PPFIA3: variants seen among roughly 807,000 people sequenced by gnomAD.
PPFIA3 encodes the protein liprin-alpha-3.
A neutral mutation model predicts 145.8 loss-of-function variants in PPFIA3; 26 were observed. The ratio of observed to expected loss-of-function variants is 0.18; its 90% CI spans 0.13 to 0.25. The LOEUF (loss-of-function observed/expected upper bound fraction) is 0.25. Among genes scored for constraint, PPFIA3 ranks in the 10% least tolerant of loss-of-function variants. The probability of loss-of-function intolerance (pLI) is 1.00; values close to 1 mark genes in which losing one functional copy is unlikely to be tolerated. For missense variants in PPFIA3, 1,008 were observed against 1,587.8 expected, an observed-to-expected ratio of 0.63 and a Z score of 6.21; for synonymous variants, 645 against 661.4, an observed-to-expected ratio of 0.98 and a Z score of 0.38.
intron 13 of PPFIA3, 126 bp downstream of exon 13, chr19:49,135,041 TTG>T: frequency 9.6e-5 from 72 of 746,256 alleles, no homozygotes; most frequent in Middle Eastern, 3.9e-4. Flanking sequence ...TGTTTTTTGT[TTG>T]TTTGTTTGTT....
intron 23 of PPFIA3, 92 bp from the exon 24 acceptor site, chr19:49,147,991 C>A: frequency 7.3e-7 from 1 of 1,365,006 alleles, no homozygotes; most frequent in Non-Finnish European, 1.0e-6. Context: ...TGGGAAAAAA[C>A]CTTGGATTGG....
chr19:49,132,180 G>C (rs1286429093), intron 7 of PPFIA3, among the ~76,000 whole-genome samples: 2 of 151,622 alleles, frequency 1.3e-5, no homozygotes, highest in Non-Finnish European at 2.9e-5. Context: ...CTGAGGTCAG[G>C]AGTTCAAGAC....
Position 49,133,162 on chromosome 19 carries a change from G to T in PPFIA3, c.1026+15G>T. 6.3e-7 allele frequency: 1 copy of T among 1,588,242 alleles called. No individual in the cohort carries two copies. The highest frequency in any genetic ancestry group is 8.6e-7 in the Non-Finnish European group (1 of 1,166,032). ...TGTATCGGCAGGTGGGGGCGCGGCC[G>T]GGAGGGGCGATGGGGGCGGTGCCGG... On this transcript the variant is annotated intron_variant, in intron 8 of 29. Transcript: ENST00000334186. The surrounding 1 kb of genome is among the most constrained non-coding windows in gnomAD (Gnocchi z 7.2).
rs778195144 is a variant in PPFIA3 at position 49,134,097 on chromosome 19, C to A, written c.1309C>A (p.Leu437Met). 6.2e-7 allele frequency: 1 copy of A among 1,613,988 alleles called. No individual in the cohort carries two copies. The highest frequency in any genetic ancestry group is 8.5e-7 in the Non-Finnish European group (1 of 1,179,936). The change falls in exon 11 of 30, where the codon CTG (leucine) becomes ATG (methionine). Residue 437 changes from leucine (L) to methionine (M), a missense_variant. Transcript: ENST00000334186. ...GCGGCTGTCCGAGACGGTGGACAAG[C>A]TGCTGAGCGAGTCCAACGAGCGCTT... ...NKRLSETVDK[L>M]LSESNERLQL...
chr19:49,131,678 C>T (rs924222990), intron 7 of PPFIA3, among the ~76,000 whole-genome samples: 5 of 151,274 alleles, frequency 3.3e-5, no homozygotes, highest in South Asian at 2.1e-4. Flanking sequence ...AAAAATTAGC[C>T]GGGCGTGGTG....
rs2041028398 is a variant in PPFIA3, at chr19:49,128,297, A to G, written c.241-70A>G. The G allele has an allele frequency of 6.4e-7, 1 of 1,552,600 alleles. No homozygotes were observed. Among genetic ancestry groups the G allele is most frequent in the Non-Finnish European group, 8.9e-7 (1 of 1,125,118 alleles). ...GGGAGGGCGGGACCTTCAAACTTCC[A>G]GTCCCAGTGAATGAAGGAGACAGGG... On this transcript the variant is annotated intron_variant, in intron 2 of 29. Transcript: ENST00000334186. This position sits in a 1 kb window ranked among gnomAD's most constrained non-coding sequence, Gnocchi z 4.1.
At position 49,138,219 on chromosome 19, in the gene PPFIA3, A is replaced by G; in HGVS notation, c.1868A>G (p.Glu623Gly). 2 of 1,596,956 alleles carry G rather than the reference A, an allele frequency of 1.3e-6. No homozygotes were observed. Among genetic ancestry groups the G allele is most frequent in the Non-Finnish European group, 1.7e-6 (2 of 1,167,242 alleles). The change falls in exon 16 of 30, where the codon GAG becomes GGG. Residue 623 changes from glutamate (E) to glycine (G), a missense_variant. This residue lies in a region of PPFIA3 where 202 missense variants were observed against 241.8 expected (regional missense o/e 0.84). Transcript: ENST00000334186. ...TCCCTCCTCAGGCTGATCCAAGAGGAGAAGGAGACAACAGAACAGAGGGCA... is the reference window on the plus strand; with the variant it reads ...TCCCTCCTCAGGCTGATCCAAGAGGGGAAGGAGACAACAGAACAGAGGGCA... ...INKEIKLIQE[E>G]KETTEQRAEE...
chr19:49,132,948 C>T (rs544292405), intron 7 of PPFIA3, 53 bp from the exon 8 acceptor site: 3 of 1,575,546 alleles, frequency 1.9e-6, no homozygotes, highest in African/African-American at 2.7e-5. Context: ...GGGGGTTCCC[C>T]GTCCTCTCCC....
chr19:49,133,472 C>G lies in PPFIA3; in HGVS notation c.1161+101C>G, dbSNP rs988518545. 1.1e-4 allele frequency: 138 copies of G among 1,228,012 alleles called. No individual in the cohort carries two copies. The highest frequency in any genetic ancestry group is 1.3e-4 in the Non-Finnish European group (124 of 934,218). 76.1% of individuals were successfully genotyped at this position (1,228,012 alleles called of 1,614,324 possible). A position where few individuals can be genotyped will look rare whatever the true frequency, so the allele number is the denominator to read the frequency against. Reference sequence around the variant, plus strand: ...AGGGGTAGGAGCGAGGTCAGAACCCCGGATTTGGGGGAAAGGGTGGGGCCT... The same window carrying G: ...AGGGGTAGGAGCGAGGTCAGAACCCGGGATTTGGGGGAAAGGGTGGGGCCT... On this transcript the variant is annotated intron_variant, in intron 9 of 29. Coordinates refer to ENST00000334186, the MANE Select transcript of PPFIA3 (RefSeq NM_003660.4). This position sits in a 1 kb window ranked among gnomAD's most constrained non-coding sequence, Gnocchi z 7.2.
chr19:49,129,146 G>A, intron 4 of PPFIA3, 134 bp downstream of exon 4: 1 of 1,086,616 alleles, frequency 9.2e-7, no homozygotes, highest in Non-Finnish European at 1.3e-6. Flanking sequence ...TGATTGATTG[G>A]GACAGGATAC....
intron 21 of PPFIA3, among the ~76,000 whole-genome samples, chr19:49,143,235 C>T (rs1249612461): frequency 1.3e-5 from 2 of 152,240 alleles, no homozygotes; most frequent in African/African-American, 4.8e-5. Flanking sequence ...CTCTCCTCGG[C>T]ATTTGCTGTC....
chr19:49,149,790 G>T lies in PPFIA3; in HGVS notation c.3526+72G>T. 1 of 1,514,476 alleles carries T rather than the reference G, an allele frequency of 6.6e-7. No individual in the cohort carries two copies. The highest frequency in any genetic ancestry group is 8.8e-7 in the Non-Finnish European group (1 of 1,130,528). 93.8% of individuals were successfully genotyped at this position (1,514,476 alleles called of 1,614,324 possible). ...GGGGCATGGACCACCTCAGTAGTCC[G>T]GGTTCTGGAATGGCCTAGTCCTTTC... On this transcript the variant is annotated intron_variant, in intron 28 of 29. Transcript: ENST00000334186. This position sits in a 1 kb window ranked among gnomAD's most constrained non-coding sequence, Gnocchi z 5.7.
At chr19:49,145,774 A>T (rs117778189) in intron 21 of PPFIA3, 169 bp from the exon 22 acceptor site, 1 of 652,600 alleles carries the variant, frequency 1.5e-6, no homozygotes, top group Non-Finnish European at 2.8e-6. Context: ...ATTGCCTGGT[A>T]CATGGCAGGT....
chr19:49,149,341 G>A lies in PPFIA3; in HGVS notation c.3354+16G>A. On this transcript the variant is annotated intron_variant, in intron 27 of 29. Coordinates refer to ENST00000334186, the MANE Select transcript of PPFIA3 (RefSeq NM_003660.4). The surrounding 1 kb of genome is among the most constrained non-coding windows in gnomAD (Gnocchi z 5.7). ...GCTGGACGAGGTGGGCGCGGCAACA[G>A]CTCAGAGGGCTCTGCTCCCAGCGGC... The A allele has an allele frequency of 6.2e-7, 1 of 1,613,534 alleles. No homozygotes were observed. Among genetic ancestry groups the A allele is most frequent in the Non-Finnish European group, 8.5e-7 (1 of 1,179,696 alleles).
intron 13 of PPFIA3, 36 bp from the exon 14 acceptor site, chr19:49,135,742 AC>A (rs745704139): frequency 6.4e-6 from 10 of 1,572,048 alleles, no homozygotes; most frequent in East Asian, 2.3e-5. Flanking sequence ...TCTTTTCCTG[AC>A]CCCTTGGTCT....
chr19:49,128,600 C>A lies in PPFIA3; in HGVS notation c.342+132C>A. ...CTCGCCTTTCTGTCTTCTCCTCTTC[C>A]CTGCTCCCACTTCCTGGCTGGTCTC... On this transcript the variant is annotated intron_variant, in intron 3 of 29. Transcript: ENST00000334186. This position sits in a 1 kb window ranked among gnomAD's most constrained non-coding sequence, Gnocchi z 4.1. 1 of 860,162 alleles carries A rather than the reference C, an allele frequency of 1.2e-6. No homozygotes were observed. Among genetic ancestry groups the A allele is most frequent in the Non-Finnish European group, 1.8e-6 (1 of 548,572 alleles). The allele number at this position is 860,162 out of a possible 1,614,324, so 53.3% of individuals were successfully genotyped here. A position where few individuals can be genotyped will look rare whatever the true frequency, so the allele number is the denominator to read the frequency against.
At chr19:49,125,491 C>T (rs868104935) in intron 1 of PPFIA3, 1 of 152,322 alleles carries the variant, frequency 6.6e-6, no homozygotes, top group African/African-American at 2.4e-5. Context: ...TCCGCCCTGC[C>T]CCTGGCTCTA....
At chr19:49,143,140 T>A (rs2041243418) in intron 21 of PPFIA3, 136 bp downstream of exon 21, 2 of 980,082 alleles carry the variant, frequency 2.0e-6, no homozygotes, top group Admixed American at 2.2e-5. Context: ...CCCCTCAGCC[T>A]CCCCTCCACT....
At position 49,142,489 on chromosome 19, in the gene PPFIA3, C is replaced by T. The variant is rs530432782; in HGVS notation, c.2545-315C>T. On this transcript the variant is annotated intron_variant, in intron 20 of 29. Coordinates refer to ENST00000334186, the MANE Select transcript of PPFIA3 (RefSeq NM_003660.4). The stretch of plus-strand genomic sequence containing the variant: ...CGCCCTGCCGATGTCTCCCTGTCTC[C>T]GGCTTCCTGTCTCTCCCCACCCTCT... Among the ~76,000 whole-genome samples the T allele has an allele frequency of 1.9e-4, 29 of 152,006 alleles. No individual in the cohort carries two copies. In the South Asian group the frequency reaches 5.4e-3, roughly 28 times the overall value.
Sources: allele counts gnomAD v4.1 joint callset (sites outside exome capture counted in the v4.1 genomes callset), GRCh38; gene constraint gnomAD v4.1.1; regional missense constraint gnomAD v4.1.1; non-coding constraint Gnocchi (gnomAD v3.1); transcripts MANE v1.5; gene names NCBI Gene and HGNC (gene_info 2026-07-23, HGNC 2026-07-21).